Variants in CX3CR1 observed in about 807,000 individuals in gnomAD.
The protein encoded by CX3CR1 is CX3C chemokine receptor 1.
For synonymous variants in CX3CR1, 168 were observed against 178.5 expected (o/e 0.94, Z 0.47); for missense variants, 363 against 432.4 (o/e 0.84, Z 1.42).
chr3:39,285,683 A>T (rs938199), upstream of CX3CR1, among the ~76,000 whole-genome samples: 98,257 of 152,128 alleles, frequency 0.65, 31,992 homozygotes, highest in East Asian at 0.81. Flanking sequence ...TTTTTTAAAA[A>T]TTAAAAATTA....
rs2040677953 is a variant in CX3CR1 at position 39,265,184 on chromosome 3, T to C, written c.*258A>G. 1 of 418,434 alleles carries C rather than the reference T, an allele frequency of 2.4e-6. No homozygotes were observed. The highest frequency in any genetic ancestry group is 4.2e-6 in the Non-Finnish European group (1 of 235,408). The allele number at this position is 418,434 out of a possible 1,614,324, so 25.9% of individuals were successfully genotyped here. On this transcript the variant is annotated 3_prime_UTR_variant, in exon 2 of 2. Transcript: ENST00000399220. ...TTAACTAAACTAGTCTGAGTTGAAT[T>C]TTTGTCATCTGCAAACCAAAAAGTT...
upstream of CX3CR1, among the ~76,000 whole-genome samples, chr3:39,284,172 T>C (rs1187366661): frequency 6.6e-6 from 1 of 151,832 alleles, no homozygotes. Flanking sequence ...GAAACCATTG[T>C]CTAAGTTTTT....
At chr3:39,279,514 A>C (rs549414031) in intron 1 of CX3CR1, among the ~76,000 whole-genome samples, 3 of 152,106 alleles carry the variant, frequency 2.0e-5, no homozygotes, top group Admixed American at 6.5e-5. Flanking sequence ...TATTTCCTCT[A>C]TTTCCCACTT....
chr3:39,292,114 G>C, the CX3CR1 span, among the ~76,000 whole-genome samples: 1 of 152,366 alleles, frequency 6.6e-6, no homozygotes, highest in East Asian at 1.9e-4. Flanking sequence ...GGCAACAAGA[G>C]CAAGTGCCAG....
At position 39,266,345 on chromosome 3, in the gene CX3CR1, G is replaced by C; in HGVS notation, c.165C>G (p.Ala55=). ...GLVGNLLVVF[A]LTNSKKPKSV... ...TCTTGGGCTTCTTGCTGTTGGTGAG[G>C]GCAAACACTACCAACAAATTTCCCA... The change falls in exon 2 of 2, where the codon GCC becomes GCG. Residue 55 remains alanine, a synonymous_variant. Coordinates refer to ENST00000399220, the MANE Select transcript of CX3CR1 (RefSeq NM_001337.4). 6.2e-7 allele frequency: 1 copy of C among 1,614,150 alleles called. No individual in the cohort carries two copies. Among genetic ancestry groups the C allele is most frequent in the South Asian group, 1.1e-5 (1 of 91,076 alleles).
the CX3CR1 span, chr3:39,287,568 G>A: frequency 6.6e-6 from 1 of 152,184 alleles, no homozygotes; most frequent in Non-Finnish European, 1.5e-5. Flanking sequence ...GATTGTTTTA[G>A]TGCCTTCAGC....
intron 1 of CX3CR1, among the ~76,000 whole-genome samples, chr3:39,279,703 G>A (rs2040874654): frequency 1.3e-5 from 2 of 152,162 alleles, no homozygotes; most frequent in Non-Finnish European, 2.9e-5. Flanking sequence ...TTAAAATCAT[G>A]AGCTTTTCTC....
upstream of CX3CR1, chr3:39,281,675 C>T (rs759707908): frequency 4.8e-5 from 77 of 1,598,854 alleles, no homozygotes; most frequent in Middle Eastern, 1.6e-4. Context: ...CCAACTTAAA[C>T]GCCTCCAGGG....
At chr3:39,269,061 G>A (rs1402148825) in intron 1 of CX3CR1, among the ~76,000 whole-genome samples, 2 of 152,032 alleles carry the variant, frequency 1.3e-5, no homozygotes, top group Non-Finnish European at 2.9e-5. Context: ...ATTATTTTGG[G>A]GGAGGTAAGC....
Position 39,266,031 on chromosome 3 carries a change from A to ACCAAAATGGCTGCTGCCC in CX3CR1, c.461_478dup (p.Leu159_Val160insGlyAlaAlaAlaIleLeu). The stretch of plus-strand genomic sequence containing the variant: ...TGTGAACATGAACTGGGGTGCTGCC[A>ACCAAAATGGCTGCTGCCC]CCAAAATGGCTGCTGCCCAGACGCC... On this transcript the variant is annotated inframe_insertion, in exon 2 of 2. Transcript: ENST00000399220. 3 of 1,614,168 alleles carry ACCAAAATGGCTGCTGCCC rather than the reference A, an allele frequency of 1.9e-6. No homozygotes were observed. Among genetic ancestry groups the ACCAAAATGGCTGCTGCCC allele is most frequent in the Non-Finnish European group, 1.7e-6 (2 of 1,180,030 alleles).
intron 1 of CX3CR1, chr3:39,266,792 T>C (rs2040707213): frequency 1.7e-6 from 1 of 603,244 alleles, no homozygotes; most frequent in Non-Finnish European, 3.1e-6. Flanking sequence ...CTAGGCATTT[T>C]TTTTTTTTTA....
At chr3:39,285,008 C>G (rs369801123), upstream of CX3CR1, among the ~76,000 whole-genome samples, 27 of 152,306 alleles carry the variant, frequency 1.8e-4, no homozygotes, top group East Asian at 4.6e-3. Context: ...AAAAGTCTCT[C>G]TTTCCTCTTC....
rs56049697 is a variant in CX3CR1 at position 39,277,870 on chromosome 3, A to C, written c.-10+2084T>G. ...CAGGTATCCAAACTTTCTGAGGCTC[A>C]GTTTCCTCATGACAACAACATATAT... On this transcript the variant is annotated intron_variant, in intron 1 of 1. Transcript: ENST00000399220. Among the ~76,000 whole-genome samples, 50 of 152,334 alleles carry C rather than the reference A, an allele frequency of 3.3e-4. No homozygotes were observed. The East Asian group carries it at 7.5e-3, about 23-fold the overall frequency.
At chr3:39,276,728 T>C (rs1405766717) in intron 1 of CX3CR1, among the ~76,000 whole-genome samples, 1 of 152,226 alleles carries the variant, frequency 6.6e-6, no homozygotes, top group Non-Finnish European at 1.5e-5. Context: ...ACAACGTGGA[T>C]GCATTTTAAA....
At chr3:39,286,818 T>G in the CX3CR1 span, 2 of 152,216 alleles carry the variant, frequency 1.3e-5, no homozygotes, top group Non-Finnish European at 2.9e-5. Flanking sequence ...TTTTCATCCT[T>G]TAGAGGATTA....
At chr3:39,288,120 A>T in the CX3CR1 span, among the ~76,000 whole-genome samples, 3 of 152,222 alleles carry the variant, frequency 2.0e-5, no homozygotes, top group South Asian at 4.1e-4. Flanking sequence ...ATGTTGAGGC[A>T]GAAGTCCTAA....
intron 1 of CX3CR1, among the ~76,000 whole-genome samples, chr3:39,273,647 CTGTT>C (rs758155406): frequency 3.3e-5 from 5 of 152,168 alleles, no homozygotes; most frequent in African/African-American, 7.2e-5. Flanking sequence ...CAGAAGGAAA[CTGTT>C]TGTTTGAGAC....
At chr3:39,281,380 C>T, upstream of CX3CR1, 1 of 786,666 alleles carries the variant, frequency 1.3e-6, no homozygotes, top group Non-Finnish European at 1.8e-6. Context: ...GCTGCCTCAG[C>T]CCCTTCCTTG....
chr3:39,268,656 G>A (rs1211434620), intron 1 of CX3CR1, among the ~76,000 whole-genome samples: 3 of 152,204 alleles, frequency 2.0e-5, no homozygotes, highest in African/African-American at 7.2e-5. Context: ...TTATGTGCCT[G>A]TGGTCGGTCC....
Sources: allele counts gnomAD v4.1 joint callset (sites outside exome capture counted in the v4.1 genomes callset), GRCh38; gene constraint gnomAD v4.1.1; transcripts MANE v1.5; gene names NCBI Gene and HGNC (gene_info 2026-07-23, HGNC 2026-07-21).